ATG7: variants seen among roughly 807,000 people sequenced by gnomAD.
ATG7 encodes autophagy related 7.
Under a neutral mutation model 82.4 loss-of-function variants are expected in ATG7, and 70 were observed. The observed-to-expected ratio is 0.85, with a 90% confidence interval of 0.70 to 1.04. The LOEUF is 1.04. Among genes scored for constraint, ATG7 ranks in the 50% least tolerant of loss-of-function variants. The pLI, the probability that ATG7 is intolerant of heterozygous loss-of-function variation, is 0.00. For missense variants in ATG7, 792 were observed against 864.3 expected (o/e 0.92, Z 1.05); for synonymous variants, 287 against 313.0 (o/e 0.92, Z 0.88).
intron 19 of ATG7, among the ~76,000 whole-genome samples, chr3:11,387,183 G>A (rs769455159): frequency 3.9e-5 from 6 of 152,182 alleles, no homozygotes; most frequent in Non-Finnish European, 7.3e-5. Context: ...CCACACACAG[G>A]TATAATGGGA....
intron 19 of ATG7, among the ~76,000 whole-genome samples, chr3:11,401,010 A>G (rs908109912): frequency 6.6e-6 from 1 of 152,232 alleles, no homozygotes; most frequent in Non-Finnish European, 1.5e-5. Context: ...TGTGCTGCTT[A>G]ATGGGTTGAA....
At chr3:11,559,408 G>A (rs372048791), downstream of ATG7, 32 of 1,562,844 alleles carry the variant, frequency 2.0e-5, no homozygotes, top group Non-Finnish European at 2.7e-5. Flanking sequence ...GCGAGAGGTT[G>A]CAGTTGCGGG....
At chr3:11,522,295 C>T (rs1339128834) in intron 20 of ATG7, among the ~76,000 whole-genome samples, 1 of 152,140 alleles carries the variant, frequency 6.6e-6, no homozygotes, top group Non-Finnish European at 1.5e-5. Flanking sequence ...GATGGAGTAT[C>T]AGGGAACTCT....
In ATG7 at chr3:11,509,461, C is replaced by G. The variant is rs2091931353; in HGVS notation, c.2080-45350C>G. Among the ~76,000 whole-genome samples the G allele has an allele frequency of 3.9e-5, 6 of 151,936 alleles. No homozygotes were observed. The South Asian group carries it at 1.0e-3, about 26-fold the overall frequency. ...CCAGCCACTTGTGTCTTATAAGCCT[C>G]CACAAAGCCTGGTGCAACTCCTTGT... On this transcript the variant is annotated intron_variant, in intron 20 of 20. Transcript: ENST00000693202.
In ATG7 at chr3:11,554,825, C is replaced by A. The variant is rs1226260031; in HGVS notation, c.2094C>A (p.Ser698Arg). Reference sequence around the variant, plus strand: ...TCTCCATGCAGATCTGGGACATGAGCGATGATGAGACCATCTGAGATGGCC... The same window carrying A: ...TCTCCATGCAGATCTGGGACATGAGAGATGATGAGACCATCTGAGATGGCC... ...ETQAAEIWDM[S>R]DDETI The change falls in exon 21 of 21, where the codon AGC becomes AGA. Residue 698 changes from serine to arginine, a missense_variant. Physicochemically the swap from Ser to Arg is moderately radical, Grantham distance 110. Coordinates refer to ENST00000693202, the MANE Select transcript of ATG7 (RefSeq NM_001349232.2). 6.2e-7 allele frequency: 1 copy of A among 1,613,394 alleles called. No individual in the cohort carries two copies.
rs142703237 is a variant in ATG7 at position 11,369,196 on chromosome 3, T to C, written c.1875+4462T>C. Among the ~76,000 whole-genome samples the C allele has an allele frequency of 1.4e-3, 219 of 151,098 alleles. 10 individuals carry two copies. The highest frequency in any genetic ancestry group is 5.2e-3 in the African/African-American group (214 of 40,986). On this transcript the variant is annotated intron_variant, in intron 18 of 20. Coordinates refer to ENST00000693202, the MANE Select transcript of ATG7 (RefSeq NM_001349232.2). ...GTGTTCAGAAATACTTATCTCAGTGTGCTCCTAGGGACATGGACAGATGGA... is the reference window on the plus strand; with the variant it reads ...GTGTTCAGAAATACTTATCTCAGTGCGCTCCTAGGGACATGGACAGATGGA...
intron 20 of ATG7, chr3:11,446,416 C>T (rs1303192514): frequency 8.7e-6 from 3 of 345,774 alleles, no homozygotes; most frequent in African/African-American, 2.2e-5. Context: ...TTTGTAAATG[C>T]GTTATATAAA....
At chr3:11,348,414 T>C (rs1355738840) in intron 14 of ATG7, 1 of 186,252 alleles carries the variant, frequency 5.4e-6, no homozygotes, top group Admixed American at 5.9e-5. Flanking sequence ...TGGGGTTCCT[T>C]CCGGTGGGTT....
rs112285539 is a variant in ATG7 at position 11,548,936 on chromosome 3, A to G, written c.2080-5875A>G. ...CCGTAGGAATCGTGGCTGTTGCCAG[A>G]TTGTCCTCTGCAGGGGTTGGACTGC... On this transcript the variant is annotated intron_variant, in intron 20 of 20. Transcript: ENST00000693202. 1.1e-3 allele frequency among the ~76,000 whole-genome samples: 164 copies of G among 152,362 alleles called. 1 individual carries two copies. Among genetic ancestry groups the G allele is most frequent in the African/African-American group, 3.6e-3 (150 of 41,592 alleles).
At chr3:11,503,780 C>CAAAAAAAAAAAAAAAAAA in intron 20 of ATG7, among the ~76,000 whole-genome samples, 1 of 105,462 alleles carries the variant, frequency 9.5e-6, no homozygotes, top group Admixed American at 9.2e-5. Flanking sequence ...AAAAAAAAAT[C>CAAAAAAAAAAAAAAAAAA]AAATGATTAA....
chr3:11,333,119 A>G lies in ATG7; in HGVS notation c.889+26A>G, dbSNP rs1575508058. Reference sequence around the variant, plus strand: ...GTAATTTGCCGGTCTTTGAAAATGCATATAATTATCATTTATCAGAAACGG... The same window carrying G: ...GTAATTTGCCGGTCTTTGAAAATGCGTATAATTATCATTTATCAGAAACGG... On this transcript the variant is annotated intron_variant, in intron 11 of 20. Coordinates refer to ENST00000693202, the MANE Select transcript of ATG7 (RefSeq NM_001349232.2). 2.6e-6 allele frequency: 4 copies of G among 1,527,004 alleles called. No individual in the cohort carries two copies. In the South Asian group the frequency reaches 5.1e-5, roughly 19 times the overall value. The allele number at this position is 1,527,004 out of a possible 1,614,324, so 94.6% of individuals were successfully genotyped here. A position where few individuals can be genotyped will look rare whatever the true frequency, so the allele number is the denominator to read the frequency against.
intron 16 of ATG7, among the ~76,000 whole-genome samples, chr3:11,361,564 T>G (rs1284393273): frequency 6.6e-6 from 1 of 152,228 alleles, no homozygotes; most frequent in East Asian, 1.9e-4. Flanking sequence ...ATTACAGGTG[T>G]GAGCCACCAC....
At chr3:11,303,184 C>G (rs1345532803) in intron 5 of ATG7, among the ~76,000 whole-genome samples, 2 of 152,048 alleles carry the variant, frequency 1.3e-5, no homozygotes, top group African/African-American at 4.8e-5. Context: ...TCTTAAAGGC[C>G]CTGGAGGGAA....
chr3:11,541,094 G>GT (rs2070790463), intron 20 of ATG7, among the ~76,000 whole-genome samples: 1 of 152,086 alleles, frequency 6.6e-6, no homozygotes, highest in Non-Finnish European at 1.5e-5. Context: ...TAGAGACGGG[G>GT]TTTCACCATG....
At chr3:11,295,116 A>G (rs1273935177) in intron 3 of ATG7, among the ~76,000 whole-genome samples, 4 of 152,130 alleles carry the variant, frequency 2.6e-5, no homozygotes, top group Non-Finnish European at 5.9e-5. Context: ...TGTCTCAGAG[A>G]AAAAAATAAA....
chr3:11,276,210 C>T (rs1418014706), intron 1 of ATG7, among the ~76,000 whole-genome samples: 1 of 152,182 alleles, frequency 6.6e-6, no homozygotes, highest in African/African-American at 2.4e-5. Context: ...ATTAAGGCAT[C>T]GCAGCTTCCT....
At chr3:11,547,432 T>C (rs1418228781) in intron 20 of ATG7, among the ~76,000 whole-genome samples, 1 of 152,222 alleles carries the variant, frequency 6.6e-6, no homozygotes. Context: ...TTTCCTATTA[T>C]GAATTCCACG....
intron 19 of ATG7, among the ~76,000 whole-genome samples, chr3:11,394,528 G>A (rs114533237): frequency 1.3e-3 from 203 of 152,262 alleles, no homozygotes; most frequent in Admixed American, 3.3e-3. Context: ...AGTTGAGAGC[G>A]TGAGCCACAC....
At chr3:11,522,759 TG>T (rs1396145734) in intron 20 of ATG7, among the ~76,000 whole-genome samples, 1 of 152,220 alleles carries the variant, frequency 6.6e-6, no homozygotes, top group Admixed American at 6.5e-5. Context: ...CAAAATCGCC[TG>T]TCAAATGCCC....
Sources: gnomAD v4.1 joint callset for allele counts (sites outside exome capture counted in the v4.1 genomes callset) on GRCh38, gnomAD v4.1.1 for gene constraint, MANE v1.5 for transcripts, NCBI Gene and HGNC (gene_info 2026-07-23, HGNC 2026-07-21) for gene names.